Variants in SYNE2 observed in about 807,000 individuals in gnomAD.
The protein encoded by SYNE2 is spectrin repeat containing nuclear envelope protein 2.
Under a neutral mutation model 856.3 loss-of-function variants are expected in SYNE2, and 431 were observed. The ratio of observed to expected loss-of-function variants is 0.50; its 90% CI spans 0.47 to 0.55. The LOEUF is 0.55. SYNE2 is among the 20% of genes least tolerant of loss of function. SYNE2 has a pLI of 0.00. For missense variants in SYNE2, 8,129 were observed against 8,023.2 expected (o/e 1.01, Z -0.50); for synonymous variants, 2,923 against 2,872.3 (o/e 1.02, Z -0.56).
In SYNE2 at chr14:63,782,341, G is replaced by T. The variant is rs1469313393; in HGVS notation, c.-305+20355G>T. The stretch of plus-strand genomic sequence containing the variant: ...AAATTAGTCGGGCCTGTTTGCATGT[G>T]CCTGTAATCCCAGCTACTCAGGAGG... On this transcript the variant is annotated intron_variant, in intron 1 of 23. Transcript: ENST00000674003. Among the ~76,000 whole-genome samples the T allele has an allele frequency of 5.3e-5, 8 of 151,472 alleles. No homozygotes were observed. In the Admixed American group the frequency reaches 5.3e-4, roughly 10 times the overall value.
chr14:63,929,681 G>C (rs1471124080), intron 2 of SYNE2, among the ~76,000 whole-genome samples: 1 of 151,644 alleles, frequency 6.6e-6, no homozygotes, highest in Non-Finnish European at 1.5e-5. Flanking sequence ...TGAAGCAGGA[G>C]AATTGCATGA....
chr14:64,163,634 C>T, intron 89 of SYNE2, 53 bp downstream of exon 89: 1 of 1,602,260 alleles, frequency 6.2e-7, no homozygotes, highest in South Asian at 1.1e-5. Flanking sequence ...GCATTCCATC[C>T]TCAATCCCTT....
rs1296155495 is a variant in SYNE2 at position 64,007,236 on chromosome 14, AG to A, written c.4577+15del. ...GGTCACCGAATGGTAAGGAAAAAAA[AG>A]AATCCCTCTTGAATCTGAAAAATTG... On this transcript the variant is annotated intron_variant, in intron 31 of 115. Coordinates refer to ENST00000555002, the MANE Select transcript of SYNE2 (RefSeq NM_182914.3). 1.2e-6 allele frequency: 2 copies of A among 1,612,764 alleles called. No individual in the cohort carries two copies. Among genetic ancestry groups the A allele is most frequent in the Admixed American group, 1.7e-5 (1 of 60,024 alleles).
chr14:63,953,053 C>G (rs575437196), intron 7 of SYNE2, among the ~76,000 whole-genome samples: 1 of 152,174 alleles, frequency 6.6e-6, no homozygotes, highest in South Asian at 2.1e-4. Context: ...GGTGATATGC[C>G]AGGCATTGTT....
chr14:64,028,877 C>T (rs2097005270), intron 43 of SYNE2, among the ~76,000 whole-genome samples: 1 of 152,132 alleles, frequency 6.6e-6, no homozygotes, highest in African/African-American at 2.4e-5. Flanking sequence ...TGGCTCAACG[C>T]CTGTAATCCC....
chr14:63,894,270 T>A (rs896750096), intron 1 of SYNE2, among the ~76,000 whole-genome samples: 2 of 151,636 alleles, frequency 1.3e-5, no homozygotes, highest in Non-Finnish European at 2.9e-5. Flanking sequence ...GTGGATGTGA[T>A]CATAGGATCA....
Position 63,954,805 on chromosome 14 carries a change from A to C in SYNE2, c.677A>C (p.Asp226Ala). ...GCCATCATTCATGCCTTGCGACCAGACCTAATTGACATGAAGAGTGTGAAG... is the reference window on the plus strand; with the variant it reads ...GCCATCATTCATGCCTTGCGACCAGCCCTAATTGACATGAAGAGTGTGAAG... ...FLAIIHALRP[D>A]LIDMKSVKHR... Residue 226 changes from aspartate to alanine, a missense_variant, in exon 8 of 116, where the codon GAC becomes GCC. Physicochemically the swap from Asp to Ala is moderately radical, Grantham distance 126 (BLOSUM62 -2). Around this residue, in one of 3 missense-constraint regions of SYNE2, gnomAD observed 2,422 missense variants for 2,357.4 expected, o/e 1.03. Transcript: ENST00000555002. The C allele has an allele frequency of 1.9e-6, 3 of 1,614,038 alleles. No individual in the cohort carries two copies. The highest frequency in any genetic ancestry group is 1.1e-5 in the South Asian group (1 of 91,074).
At chr14:64,132,122 C>A in intron 76 of SYNE2, 143 bp from the exon 77 acceptor site, 2 of 906,668 alleles carry the variant, frequency 2.2e-6, no homozygotes, top group Non-Finnish European at 3.3e-6. Context: ...CCATCTTGGC[C>A]AGGCTGGTCA....
At chr14:63,783,312 GGT>G (rs1336420973) in intron 1 of SYNE2, among the ~76,000 whole-genome samples, 3 of 152,080 alleles carry the variant, frequency 2.0e-5, no homozygotes, top group Non-Finnish European at 4.4e-5. Context: ...AGTTTCCTGA[GGT>G]ATCTCCAGCC....
In SYNE2 at chr14:63,941,796, A is replaced by G. The variant is rs766604570; in HGVS notation, c.237+6A>G. The G allele has an allele frequency of 9.3e-6, 15 of 1,613,778 alleles. No homozygotes were observed. Among genetic ancestry groups the G allele is most frequent in the Middle Eastern group, 1.7e-4 (1 of 6,060 alleles). Reference sequence around the variant, plus strand: ...TACTTTCTGGGCAACAGTTGGTAAGATTTTTAAATGACACTGAGAAACTTT... The same window carrying G: ...TACTTTCTGGGCAACAGTTGGTAAGGTTTTTAAATGACACTGAGAAACTTT... On this transcript the variant is annotated splice_donor_region_variant and intron_variant, in intron 4 of 115. Coordinates refer to ENST00000555002, the MANE Select transcript of SYNE2 (RefSeq NM_182914.3).
Position 64,044,835 on chromosome 14 carries a change from C to T in SYNE2, c.7222-3165C>T, listed in dbSNP as rs1449477602. On this transcript the variant is annotated intron_variant, in intron 45 of 115. Coordinates refer to ENST00000555002, the MANE Select transcript of SYNE2 (RefSeq NM_182914.3). The stretch of plus-strand genomic sequence containing the variant: ...CGCCATGATTGTGAGGCTTCCCCAC[C>T]CACATGGAACTGTAAGTCCAATGAA... Among the ~76,000 whole-genome samples, 2 of 152,136 alleles carry T rather than the reference C, an allele frequency of 1.3e-5. 1 individual carries two copies. The highest frequency in any genetic ancestry group is 3.8e-4 in the East Asian group (2 of 5,204).
intron 99 of SYNE2, among the ~76,000 whole-genome samples, chr14:64,199,524 C>G (rs954665286): frequency 2.6e-5 from 4 of 151,976 alleles, no homozygotes; most frequent in African/African-American, 9.7e-5. Flanking sequence ...TCGAGACCAG[C>G]CTGGCCAACA....
intron 1 of SYNE2, among the ~76,000 whole-genome samples, chr14:63,826,591 C>T (rs780585415): frequency 2.5e-4 from 38 of 152,096 alleles, no homozygotes; most frequent in Middle Eastern, 3.2e-3. Flanking sequence ...TGAGTCACCG[C>T]GCCTGGCCAA....
intron 83 of SYNE2, among the ~76,000 whole-genome samples, chr14:64,145,015 C>A (rs1042640232): frequency 6.6e-6 from 1 of 151,032 alleles, no homozygotes. Flanking sequence ...CAACTTCCAC[C>A]TCCCAGATTC....
At chr14:64,064,065 T>C (rs1218122326) in intron 50 of SYNE2, among the ~76,000 whole-genome samples, 1 of 152,240 alleles carries the variant, frequency 6.6e-6, no homozygotes, top group Non-Finnish European at 1.5e-5. Context: ...TGTACTGTTT[T>C]CACCCTTCTT....
chr14:63,807,483 A>G lies in SYNE2; in HGVS notation c.-304-45018A>G, dbSNP rs370066349. On this transcript the variant is annotated intron_variant, in intron 1 of 23. Transcript: ENST00000674003. ...CAGAAAAGGAATCTTGGAAAAGGAT[A>G]TCTTGTGTGGTCAAAGCTGTCTGAG... 9.2e-5 allele frequency among the ~76,000 whole-genome samples: 14 copies of G among 152,250 alleles called. No homozygotes were observed. In the East Asian group the frequency reaches 1.7e-3, roughly 19 times the overall value.
intron 100 of SYNE2, among the ~76,000 whole-genome samples, chr14:64,207,245 T>C (rs1206128326): frequency 2.6e-5 from 4 of 152,160 alleles, no homozygotes; most frequent in Non-Finnish European, 4.4e-5. Flanking sequence ...ACCTAAACAC[T>C]CAATGATCGG....
intron 45 of SYNE2, among the ~76,000 whole-genome samples, chr14:64,038,971 A>G (rs1313510608): frequency 6.6e-6 from 1 of 152,190 alleles, no homozygotes; most frequent in Non-Finnish European, 1.5e-5. Flanking sequence ...TAGGAGGCAG[A>G]TGGCAGAGGA....
chr14:64,162,101 A>G lies in SYNE2; in HGVS notation c.16124A>G (p.Asp5375Gly). 1 of 1,614,218 alleles carries G rather than the reference A, an allele frequency of 6.2e-7. No individual in the cohort carries two copies. Among genetic ancestry groups the G allele is most frequent in the Non-Finnish European group, 8.5e-7 (1 of 1,180,026 alleles). Reference sequence around the variant, plus strand: ...ACTCAGGTGAACCAAGCCATTGCAGACCAGTTGCAGAAGGCCCAGAGTCTG... The same window carrying G: ...ACTCAGGTGAACCAAGCCATTGCAGGCCAGTTGCAGAAGGCCCAGAGTCTG... ...RWTQVNQAIA[D>G]QLQKAQSLLQ... is the part of the protein sequence containing the mutation. The change falls in exon 88 of 116, where the codon GAC (aspartate) becomes GGC (glycine). Residue 5375 changes from aspartate (D) to glycine (G), a missense_variant. Asp to Gly is a moderately conservative substitution (Grantham distance 94). This residue lies in a region of SYNE2 where 5,410 missense variants were observed against 5,284.8 expected (regional missense o/e 1.02). Transcript: ENST00000555002.
Sources: gnomAD v4.1 joint callset for allele counts (sites outside exome capture counted in the v4.1 genomes callset) on GRCh38, gnomAD v4.1.1 for gene constraint, gnomAD v4.1.1 regional missense constraint, MANE v1.5 for transcripts, NCBI Gene and HGNC (gene_info 2026-07-23, HGNC 2026-07-21) for gene names.